Variants in NSG2 observed in about 807,000 individuals in gnomAD.
NSG2 encodes the protein neuronal vesicle trafficking-associated protein 2.
Under a neutral mutation model 16.9 loss-of-function variants are expected in NSG2, and 4 were observed. The ratio of observed to expected loss-of-function variants is 0.24; its 90% CI spans 0.12 to 0.54. The LOEUF (loss-of-function observed/expected upper bound fraction) is 0.54. Among genes scored for constraint, NSG2 ranks in the 20% least tolerant of loss-of-function variants. The pLI is 0.95. For synonymous variants in NSG2, 98 were observed against 88.7 expected (o/e 1.11, Z -0.59); for missense variants, 179 against 221.1 (o/e 0.81, Z 1.21).
intron 2 of NSG2, among the ~76,000 whole-genome samples, chr5:174,057,180 C>A (rs981226345): frequency 2.0e-5 from 3 of 152,172 alleles, no homozygotes; most frequent in Non-Finnish European, 4.4e-5. Flanking sequence ...AGAAATTTTG[C>A]CCCTCCCCTC....
At chr5:174,106,583 CTTTTTTTTT>C (rs752375646) in intron 4 of NSG2, among the ~76,000 whole-genome samples, 4 of 93,470 alleles carry the variant, frequency 4.3e-5, no homozygotes, top group African/African-American at 1.3e-4. Flanking sequence ...GGAATGAAGC[CTTTTTTTTT>C]TTTTTTTTTT....
chr5:174,064,427 C>A (rs1161476501), intron 3 of NSG2, 112 bp downstream of exon 3: 5 of 589,598 alleles, frequency 8.5e-6, no homozygotes, highest in Non-Finnish European at 1.5e-5. Context: ...ATGATGCAGG[C>A]TATTTCTGGA....
rs575387595 is a variant in NSG2 at position 174,058,688 on chromosome 5, G to A, written c.130-5544G>A. ...CTTTCAAGGAGGAGAGAGAGAACAA[G>A]CTTGTCAAAAATGACTGAGAGGTCA... On this transcript the variant is annotated intron_variant, in intron 2 of 4. Coordinates refer to ENST00000303177, the MANE Select transcript of NSG2 (RefSeq NM_015980.5). Among the ~76,000 whole-genome samples, 3 of 152,266 alleles carry A rather than the reference G, an allele frequency of 2.0e-5. No homozygotes were observed. The East Asian group carries it at 5.8e-4, about 29-fold the overall frequency.
intron 3 of NSG2, among the ~76,000 whole-genome samples, chr5:174,096,857 C>A (rs559814432): frequency 3.0e-4 from 46 of 152,254 alleles, no homozygotes; most frequent in Admixed American, 6.5e-4. Context: ...GGCAGCGCTG[C>A]CTCCTGCCAC....
At chr5:174,106,056 A>G (rs2113482294) in intron 4 of NSG2, among the ~76,000 whole-genome samples, 1 of 152,292 alleles carries the variant, frequency 6.6e-6, no homozygotes, top group East Asian at 1.9e-4. Flanking sequence ...GCTCATTAAG[A>G]CAGTAAGGAT....
At chr5:174,095,362 G>A (rs367581743) in intron 3 of NSG2, among the ~76,000 whole-genome samples, 106 of 152,328 alleles carry the variant, frequency 7.0e-4, no homozygotes, top group African/African-American at 2.5e-3. Context: ...CCACTGCTGA[G>A]GTGCTGGCAG....
chr5:174,106,331 C>T (rs1313785475), intron 4 of NSG2, among the ~76,000 whole-genome samples: 1 of 152,042 alleles, frequency 6.6e-6, no homozygotes, highest in Non-Finnish European at 1.5e-5. Flanking sequence ...AGCTCTATAT[C>T]AAGTTAAGGA....
chr5:174,061,173 G>A (rs1760044150), intron 2 of NSG2, among the ~76,000 whole-genome samples: 1 of 151,934 alleles, frequency 6.6e-6, no homozygotes. Context: ...ACATGCATGG[G>A]GAGATAAAAT....
chr5:174,103,788 C>T (rs369982542), intron 3 of NSG2, among the ~76,000 whole-genome samples: 2 of 151,932 alleles, frequency 1.3e-5, no homozygotes, highest in African/African-American at 4.8e-5. Flanking sequence ...CTCTACTAAA[C>T]CCTGTCTCTA....
chr5:174,049,372 C>A (rs1382151841), intron 2 of NSG2, among the ~76,000 whole-genome samples: 1 of 151,950 alleles, frequency 6.6e-6, no homozygotes, highest in East Asian at 1.9e-4. Context: ...AACAAAAAAA[C>A]AAACTACAAG....
At chr5:174,067,247 A>T (rs913699751) in intron 3 of NSG2, among the ~76,000 whole-genome samples, 2 of 152,118 alleles carry the variant, frequency 1.3e-5, no homozygotes, top group Non-Finnish European at 2.9e-5. Flanking sequence ...CTACTTTTTC[A>T]TATCTATGTG....
At chr5:174,075,546 T>C (rs540127751) in intron 3 of NSG2, among the ~76,000 whole-genome samples, 1 of 150,262 alleles carries the variant, frequency 6.7e-6, no homozygotes, top group South Asian at 2.1e-4. Flanking sequence ...TTAAATACAC[T>C]GTTTGGCCGA....
chr5:174,048,540 G>A (rs1409132315), intron 2 of NSG2, among the ~76,000 whole-genome samples: 1 of 152,218 alleles, frequency 6.6e-6, no homozygotes, highest in Non-Finnish European at 1.5e-5. Flanking sequence ...TTGGGTAGGA[G>A]AAGGGAGAGA....
At chr5:174,078,499 T>G (rs891227444) in intron 3 of NSG2, among the ~76,000 whole-genome samples, 6 of 152,252 alleles carry the variant, frequency 3.9e-5, no homozygotes, top group Non-Finnish European at 8.8e-5. Context: ...TAGTCCACGA[T>G]TGTTCTAGCT....
chr5:174,102,750 TTTTTTTTATTTATTTATTTA>T (rs1413411564), intron 3 of NSG2, among the ~76,000 whole-genome samples: 28 of 91,210 alleles, frequency 3.1e-4, no homozygotes, highest in African/African-American at 1.5e-3. Flanking sequence ...CCATGCTTTG[TTTTTTTTATTTATTTATTTA>T]TTTATTTATT....
intron 3 of NSG2, among the ~76,000 whole-genome samples, chr5:174,103,243 T>TA (rs1441244923): frequency 7.9e-5 from 12 of 151,840 alleles, no homozygotes; most frequent in Admixed American, 7.9e-4. Flanking sequence ...ATTGAGGTGG[T>TA]AAAAAGTGGT....
intron 2 of NSG2, among the ~76,000 whole-genome samples, chr5:174,049,441 A>G (rs978004037): frequency 1.3e-5 from 2 of 152,030 alleles, no homozygotes; most frequent in East Asian, 3.9e-4. Flanking sequence ...GTGCACGCGC[A>G]CGTGCACACA....
At chr5:174,061,353 C>T (rs572179547) in intron 2 of NSG2, among the ~76,000 whole-genome samples, 7 of 152,290 alleles carry the variant, frequency 4.6e-5, no homozygotes, top group African/African-American at 1.7e-4. Flanking sequence ...CACAAAGCAC[C>T]TGCATGTATG....
intron 2 of NSG2, among the ~76,000 whole-genome samples, chr5:174,047,131 G>A (rs1759814341): frequency 6.6e-6 from 1 of 152,138 alleles, no homozygotes; most frequent in African/African-American, 2.4e-5. Context: ...ATCTTTCCTT[G>A]TTAAAGTTTT....
Sources: gnomAD v4.1 joint callset for allele counts (sites outside exome capture counted in the v4.1 genomes callset) on GRCh38, gnomAD v4.1.1 for gene constraint, MANE v1.5 for transcripts, NCBI Gene and HGNC (gene_info 2026-07-23, HGNC 2026-07-21) for gene names.